HRH4: variants seen among roughly 807,000 people sequenced by gnomAD.
The protein encoded by HRH4 is histamine H4 receptor.
HRH4 carries 12 observed loss-of-function variants against 10.4 expected under a neutral mutation model. The ratio of observed to expected loss-of-function variants is 1.15; its 90% CI spans 0.74 to 1.87. The LOEUF is 1.87. HRH4 is among the 40% of genes most tolerant of loss of function. HRH4 has a pLI of 0.00. For missense variants in HRH4, 415 were observed against 453.3 expected, an observed-to-expected ratio of 0.92 and a Z score of 0.77; for synonymous variants, 154 against 166.6, an observed-to-expected ratio of 0.92 and a Z score of 0.58.
intron 1 of HRH4, among the ~76,000 whole-genome samples, chr18:24,466,190 C>G (rs1021437277): frequency 6.6e-6 from 1 of 151,676 alleles, no homozygotes; most frequent in African/African-American, 2.4e-5. Context: ...ATGGCTCACT[C>G]CAGCCTTGAC....
At position 24,476,877 on chromosome 18, in the gene HRH4, A is replaced by C; in HGVS notation, c.488A>C (p.Glu163Ala). Residue 163 changes from glutamate (E) to alanine (A), a missense_variant, in exon 3 of 3, where the codon GAA (glutamate) becomes GCA (alanine). By Grantham distance (107) the Glu-to-Ala change is moderately radical. Coordinates refer to ENST00000256906, the MANE Select transcript of HRH4 (RefSeq NM_021624.4). ...VSESWKDEGSECEPGFFSEWY... is the reference protein window; with the variant it reads ...VSESWKDEGSACEPGFFSEWY... ...GAGTCTTGGAAGGATGAAGGTAGTGAATGTGAACCTGGATTTTTTTCGGAA... is the reference window on the plus strand; with the variant it reads ...GAGTCTTGGAAGGATGAAGGTAGTGCATGTGAACCTGGATTTTTTTCGGAA... 1 of 1,614,216 alleles carries C rather than the reference A, an allele frequency of 6.2e-7. No homozygotes were observed. The highest frequency in any genetic ancestry group is 8.5e-7 in the Non-Finnish European group (1 of 1,180,040).
At chr18:24,473,840 A>G (rs1910052372) in intron 2 of HRH4, among the ~76,000 whole-genome samples, 1 of 152,190 alleles carries the variant, frequency 6.6e-6, no homozygotes, top group Non-Finnish European at 1.5e-5. Context: ...CCTGATTGAC[A>G]GAAGGTGTGG....
At chr18:24,471,606 C>CAAAAAAAAAAAAAAAAAAA (rs60730879) in intron 2 of HRH4, among the ~76,000 whole-genome samples, 12 of 51,396 alleles carry the variant, frequency 2.3e-4, no homozygotes, top group Non-Finnish European at 2.8e-4. Flanking sequence ...GACTCCATCT[C>CAAAAAAAAAAAAAAAAAAA]AAAAAAAAAA....
intron 2 of HRH4, among the ~76,000 whole-genome samples, chr18:24,473,311 G>A (rs551736165): frequency 6.6e-5 from 10 of 152,250 alleles, no homozygotes; most frequent in South Asian, 2.1e-4. Flanking sequence ...GTTTGCTGGA[G>A]CTACCAAAAC....
Position 24,477,243 on chromosome 18 carries a change from T to C in HRH4, c.854T>C (p.Val285Ala). 1.9e-6 allele frequency: 3 copies of C among 1,614,248 alleles called. No homozygotes were observed. Among genetic ancestry groups the C allele is most frequent in the Non-Finnish European group, 2.5e-6 (3 of 1,180,040 alleles). The part of the protein sequence containing the change: ...KMGSFSQSDS[V>A]ALHQREHVEL... ...GGTTCCTTCTCCCAATCAGATTCTGTAGCTCTTCACCAAAGGGAACATGTT... is the reference window on the plus strand; with the variant it reads ...GGTTCCTTCTCCCAATCAGATTCTGCAGCTCTTCACCAAAGGGAACATGTT... The change falls in exon 3 of 3, where the codon GTA becomes GCA. Residue 285 changes from valine (V) to alanine (A), a missense_variant. Transcript: ENST00000256906.
In HRH4 at chr18:24,478,717, G is replaced by A. The variant is rs1473163837; in HGVS notation, c.*1155G>A. On this transcript the variant is annotated 3_prime_UTR_variant, in exon 3 of 3. Coordinates refer to ENST00000256906, the MANE Select transcript of HRH4 (RefSeq NM_021624.4). Reference sequence around the variant, plus strand: ...AGACAGCATCTTGCTCTGTCTCCCAGGCTGGAGCGTAGTAATGCAATCATA... The same window carrying A: ...AGACAGCATCTTGCTCTGTCTCCCAAGCTGGAGCGTAGTAATGCAATCATA... 6.6e-6 allele frequency: 1 copy of A among 152,206 alleles called. No individual in the cohort carries two copies. Among genetic ancestry groups the A allele is most frequent in the Non-Finnish European group, 1.5e-5 (1 of 68,048 alleles). The allele number at this position is 152,206 out of a possible 1,614,324, so 9.4% of individuals were successfully genotyped here.
intron 2 of HRH4, among the ~76,000 whole-genome samples, chr18:24,475,310 A>G (rs569963667): frequency 1.1e-3 from 140 of 125,160 alleles, no homozygotes; most frequent in African/African-American, 4.2e-3. Flanking sequence ...TGTATTTGTC[A>G]GGTGGAAACA....
At chr18:24,475,266 C>T (rs1323861879) in intron 2 of HRH4, among the ~76,000 whole-genome samples, 2 of 150,382 alleles carry the variant, frequency 1.3e-5, no homozygotes, top group Non-Finnish European at 2.9e-5. Context: ...ACAGTCATAT[C>T]TCTCAAAGTG....
chr18:24,469,146 C>T (rs986913484), intron 2 of HRH4, among the ~76,000 whole-genome samples, 195 bp downstream of exon 2: 1 of 152,182 alleles, frequency 6.6e-6, no homozygotes, highest in Non-Finnish European at 1.5e-5. Flanking sequence ...CTCACCTATG[C>T]ACCATTGAAA....
intron 2 of HRH4, among the ~76,000 whole-genome samples, chr18:24,469,614 G>T (rs1909879895): frequency 6.6e-6 from 1 of 152,168 alleles, no homozygotes; most frequent in Non-Finnish European, 1.5e-5. Flanking sequence ...GTGGGGCAGT[G>T]ATCTGAAACC....
intron 1 of HRH4, among the ~76,000 whole-genome samples, chr18:24,461,331 C>T (rs1398993243): frequency 6.6e-6 from 1 of 151,888 alleles, no homozygotes; most frequent in Non-Finnish European, 1.5e-5. Flanking sequence ...GTAACCAGTG[C>T]AATCAGAAAA....
intron 2 of HRH4, among the ~76,000 whole-genome samples, chr18:24,470,259 C>G (rs1488046173): frequency 6.6e-6 from 1 of 152,062 alleles, no homozygotes; most frequent in Non-Finnish European, 1.5e-5. Context: ...AGGAACTCAC[C>G]CAGGAACCCT....
At position 24,460,900 on chromosome 18, in the gene HRH4, G is replaced by GC. The variant is rs753033786; in HGVS notation, c.174dup (p.Ile59HisfsTer3). ...AAGTAGTTATTTTTTTCTTAACTTG[G>GC]CCATCTCTGACTTCTTTGTGGGTAA... On this transcript the variant is annotated frameshift_variant, in exon 1 of 3. Coordinates refer to ENST00000256906, the MANE Select transcript of HRH4 (RefSeq NM_021624.4). LOFTEE classifies it high-confidence loss of function. The GC allele has an allele frequency of 6.4e-7, 1 of 1,566,650 alleles. No homozygotes were observed. The highest frequency in any genetic ancestry group is 1.2e-5 in the South Asian group (1 of 83,922).
At position 24,479,089 on chromosome 18, in the gene HRH4, G is replaced by C. The variant is rs887308327; in HGVS notation, c.*1527G>C. ...CATGCCACCATGCCTGGCTAATTTT[G>C]GTATTTTTAGTAGAGATGAGGTTTT... On this transcript the variant is annotated 3_prime_UTR_variant, in exon 3 of 3. Coordinates refer to ENST00000256906, the MANE Select transcript of HRH4 (RefSeq NM_021624.4). The C allele has an allele frequency of 4.0e-5, 6 of 151,364 alleles. No individual in the cohort carries two copies. Among genetic ancestry groups the C allele is most frequent in the Admixed American group, 1.3e-4 (2 of 15,200 alleles). 9.4% of individuals were successfully genotyped at this position (151,364 alleles called of 1,614,324 possible). A position where few individuals can be genotyped will look rare whatever the true frequency, so the allele number is the denominator to read the frequency against.
Position 24,477,581 on chromosome 18 carries a change from T to C in HRH4, c.*19T>C. 2 of 1,508,928 alleles carry C rather than the reference T, an allele frequency of 1.3e-6. No individual in the cohort carries two copies. Among genetic ancestry groups the C allele is most frequent in the African/African-American group, 1.4e-5 (1 of 71,746 alleles). 93.5% of individuals were successfully genotyped at this position (1,508,928 alleles called of 1,614,324 possible). ...TTCTTAAAGACAATTTTCTCACCTC[T>C]GTAAATTTTAGTCTCAATCTCACCT... is the stretch of plus-strand genomic sequence containing the variant. On this transcript the variant is annotated 3_prime_UTR_variant, in exon 3 of 3. Coordinates refer to ENST00000256906, the MANE Select transcript of HRH4 (RefSeq NM_021624.4).
intron 1 of HRH4, among the ~76,000 whole-genome samples, chr18:24,462,422 C>T (rs537387252): frequency 2.6e-5 from 4 of 151,976 alleles, no homozygotes; most frequent in South Asian, 2.1e-4. Flanking sequence ...GAGTGTGGGG[C>T]GGCATGCTTT....
At chr18:24,473,083 A>G (rs781730631) in intron 2 of HRH4, among the ~76,000 whole-genome samples, 1 of 152,126 alleles carries the variant, frequency 6.6e-6, no homozygotes, top group Non-Finnish European at 1.5e-5. Flanking sequence ...TGAACCCAGG[A>G]GGCGGAGGCT....
At position 24,474,843 on chromosome 18, in the gene HRH4, G is replaced by A. The variant is rs139671017; in HGVS notation, c.358-1904G>A. On this transcript the variant is annotated intron_variant, in intron 2 of 2. Coordinates refer to ENST00000256906, the MANE Select transcript of HRH4 (RefSeq NM_021624.4). ...TGGGACTACAGGTGCGAGCCACCAT[G>A]CCAGGCTAATTTTTGTATTTTTGGT... Among the ~76,000 whole-genome samples, 1,271 of 152,068 alleles carry A rather than the reference G, an allele frequency of 8.4e-3. 64 individuals carry two copies. Among genetic ancestry groups the A allele is most frequent in the Admixed American group, 0.072 (1,094 of 15,254 alleles).
rs184128656 is a variant in HRH4 at position 24,474,425 on chromosome 18, A to G, written c.358-2322A>G. ...TAGTGTTTTTATTTTTAAATTATTA[A>G]CTAGCTTTCTTTTACCTCCAGCCAA... is the stretch of plus-strand genomic sequence containing the variant. On this transcript the variant is annotated intron_variant, in intron 2 of 2. Transcript: ENST00000256906. Among the ~76,000 whole-genome samples, 578 of 152,240 alleles carry G rather than the reference A, an allele frequency of 3.8e-3. 1 individual carries two copies. The highest frequency in any genetic ancestry group is 5.9e-3 in the Non-Finnish European group (402 of 68,008).
Sources: allele counts gnomAD v4.1 joint callset (sites outside exome capture counted in the v4.1 genomes callset), GRCh38; gene constraint gnomAD v4.1.1; transcripts MANE v1.5; gene names NCBI Gene and HGNC (gene_info 2026-07-23, HGNC 2026-07-21).